ATRNL1: variants seen among roughly 807,000 people sequenced by gnomAD.
ATRNL1 encodes the protein attractin like 1.
In ATRNL1, 95 loss-of-function variants were observed where a neutral mutation model predicts 182.7. That is an observed-to-expected ratio of 0.52 (90% CI 0.44 to 0.62). The LOEUF is 0.62. Ranked by LOEUF, ATRNL1 falls within the 20% of genes least tolerant of loss-of-function variation. The pLI is 0.00. For synonymous variants in ATRNL1, 576 were observed against 568.3 expected (o/e 1.01, Z -0.19); for missense variants, 1,471 against 1,679.5 (o/e 0.88, Z 2.17).
At chr10:115,690,647 A>C (rs553962679) in intron 26 of ATRNL1, among the ~76,000 whole-genome samples, 1 of 152,260 alleles carries the variant, frequency 6.6e-6, no homozygotes, top group Non-Finnish European at 1.5e-5. Flanking sequence ...GTGGACACTG[A>C]GAGATGTCAG....
At chr10:115,269,773 G>A (rs1217236400) in intron 13 of ATRNL1, among the ~76,000 whole-genome samples, 2 of 151,994 alleles carry the variant, frequency 1.3e-5, no homozygotes, top group Non-Finnish European at 2.9e-5. Context: ...AAGATAGCAG[G>A]CAGAGGTAAA....
Position 115,113,504 on chromosome 10 carries a change from A to T in ATRNL1, c.294-6681A>T, listed in dbSNP as rs572306458. Among the ~76,000 whole-genome samples the T allele has an allele frequency of 1.4e-4, 22 of 152,158 alleles. 1 individual carries two copies. In the East Asian group the frequency reaches 4.3e-3, roughly 29 times the overall value. ...CGTGTTGTGGGAGGGATCTGGTGGG[A>T]GATAATTGAATCATGGGGCCAAGTC... On this transcript the variant is annotated intron_variant, in intron 1 of 28. Transcript: ENST00000355044.
At chr10:115,931,689 G>A (rs1565497093) in intron 28 of ATRNL1, among the ~76,000 whole-genome samples, 2 of 152,114 alleles carry the variant, frequency 1.3e-5, no homozygotes, top group Non-Finnish European at 2.9e-5. Context: ...TATGCCTAAC[G>A]AAGAAAACAA....
chr10:115,626,789 G>A (rs537710053), intron 26 of ATRNL1, among the ~76,000 whole-genome samples: 33 of 152,094 alleles, frequency 2.2e-4, no homozygotes, highest in Non-Finnish European at 3.2e-4. Flanking sequence ...TCAAGTTATT[G>A]TATTATTGTT....
chr10:115,799,947 A>G (rs1208504930), intron 27 of ATRNL1, among the ~76,000 whole-genome samples: 2 of 152,050 alleles, frequency 1.3e-5, no homozygotes, highest in Non-Finnish European at 2.9e-5. Context: ...TGAGCTGGGC[A>G]TGGTGGCTCG....
chr10:115,404,081 A>G (rs1310765519), intron 20 of ATRNL1, among the ~76,000 whole-genome samples: 1 of 152,182 alleles, frequency 6.6e-6, no homozygotes, highest in Non-Finnish European at 1.5e-5. Context: ...ACTTGAGCAT[A>G]TAACTTCCTA....
At chr10:115,123,941 C>T (rs552891184) in intron 3 of ATRNL1, among the ~76,000 whole-genome samples, 41 of 151,792 alleles carry the variant, frequency 2.7e-4, no homozygotes, top group Non-Finnish European at 5.3e-4. Context: ...CCCATCAGCC[C>T]CAGATGGGAC....
At chr10:115,466,679 A>G (rs1848066850) in intron 22 of ATRNL1, among the ~76,000 whole-genome samples, 1 of 151,166 alleles carries the variant, frequency 6.6e-6, no homozygotes, top group African/African-American at 2.4e-5. Flanking sequence ...CATCATTTTT[A>G]CCTGAAAGTT....
At chr10:115,828,747 G>A (rs1193922717) in intron 27 of ATRNL1, among the ~76,000 whole-genome samples, 2 of 152,098 alleles carry the variant, frequency 1.3e-5, no homozygotes, top group East Asian at 1.9e-4. Context: ...CTTCATAATA[G>A]TCTATTAAAT....
intron 21 of ATRNL1, among the ~76,000 whole-genome samples, chr10:115,438,220 T>C (rs1319993756): frequency 6.6e-6 from 1 of 152,012 alleles, no homozygotes; most frequent in East Asian, 1.9e-4. Context: ...CAAATCAGGC[T>C]TATTTTTATT....
rs149421690 is a variant in ATRNL1, at chr10:115,357,048, T to G, written c.3175+22629T>G. ...TATTTGATGTGATGCTTAGCCCCTA[T>G]AATGTATTGCTTGAGGTTTGCATTA... On this transcript the variant is annotated intron_variant, in intron 19 of 28. Coordinates refer to ENST00000355044, the MANE Select transcript of ATRNL1 (RefSeq NM_207303.4). Among the ~76,000 whole-genome samples, 46 of 152,046 alleles carry G rather than the reference T, an allele frequency of 3.0e-4. No individual in the cohort carries two copies. In the East Asian group the frequency reaches 3.1e-3, roughly 10 times the overall value.
rs1565326916 is a variant in ATRNL1, at chr10:115,730,281, AAGAG to A, written c.3903+2938_3903+2941del. On this transcript the variant is annotated intron_variant, in intron 27 of 28. Transcript: ENST00000355044. ...AAAAAAAAAAAAAAAAAAAAAAAAA[AAGAG>A]AGAGAGAGAGAAACTTTGTATGGCA... is the stretch of plus-strand genomic sequence containing the variant. Among the ~76,000 whole-genome samples the A allele has an allele frequency of 2.1e-4, 29 of 135,378 alleles. No individual in the cohort carries two copies. In the South Asian group the frequency reaches 5.7e-3, roughly 27 times the overall value. The allele number at this position is 135,378 out of a possible 152,430, so 88.8% of individuals were successfully genotyped here.
intron 27 of ATRNL1, among the ~76,000 whole-genome samples, chr10:115,754,917 T>C (rs187746494): frequency 1.1e-4 from 17 of 152,324 alleles, no homozygotes; most frequent in African/African-American, 3.8e-4. Context: ...AGGTATTTTA[T>C]TCTCTTTGTA....
chr10:115,640,473 C>T (rs1555029899), intron 26 of ATRNL1, among the ~76,000 whole-genome samples: 2 of 152,198 alleles, frequency 1.3e-5, no homozygotes, highest in Non-Finnish European at 2.9e-5. Flanking sequence ...GCCATTCAAA[C>T]TGGCATGAGA....
At chr10:115,498,184 A>G (rs1258180028) in intron 24 of ATRNL1, among the ~76,000 whole-genome samples, 7 of 152,144 alleles carry the variant, frequency 4.6e-5, no homozygotes, top group Non-Finnish European at 1.0e-4. Context: ...AGTAAAATAT[A>G]TGTCCGATAT....
intron 19 of ATRNL1, among the ~76,000 whole-genome samples, chr10:115,340,355 A>T (rs1198305733): frequency 2.0e-5 from 3 of 151,512 alleles, no homozygotes; most frequent in Admixed American, 6.6e-5. Flanking sequence ...GTTAGCCAGG[A>T]TGGTCTAGAT....
At chr10:115,555,412 C>CAG (rs1853256219) in intron 26 of ATRNL1, among the ~76,000 whole-genome samples, 1 of 151,596 alleles carries the variant, frequency 6.6e-6, no homozygotes, top group Admixed American at 6.6e-5. Flanking sequence ...TAGACACTTA[C>CAG]AGAGAGATTT....
chr10:115,596,060 G>T (rs1011371627), intron 26 of ATRNL1, among the ~76,000 whole-genome samples: 1 of 152,106 alleles, frequency 6.6e-6, no homozygotes, highest in Non-Finnish European at 1.5e-5. Context: ...ATAATGGTTT[G>T]TATGTATATT....
chr10:115,753,945 CAT>C (rs547731445), intron 27 of ATRNL1, among the ~76,000 whole-genome samples: 6 of 152,060 alleles, frequency 3.9e-5, no homozygotes, highest in Non-Finnish European at 8.8e-5. Context: ...AGCATTTTTT[CAT>C]ATGTTTGTTG....
Sources: allele counts gnomAD v4.1 joint callset (sites outside exome capture counted in the v4.1 genomes callset), GRCh38; gene constraint gnomAD v4.1.1; transcripts MANE v1.5; gene names NCBI Gene and HGNC (gene_info 2026-07-23, HGNC 2026-07-21).